Variants in ZMAT4 observed in about 807,000 individuals in gnomAD.
ZMAT4 encodes zinc finger matrin-type 4.
ZMAT4 carries 17 observed loss-of-function variants against 28.7 expected under a neutral mutation model. That is an observed-to-expected ratio of 0.59 (90% CI 0.41 to 0.89). The LOEUF (loss-of-function observed/expected upper bound fraction) is 0.89. Ranked by LOEUF, ZMAT4 falls within the 40% of genes least tolerant of loss-of-function variation. ZMAT4 has a pLI of 0.00. For synonymous variants in ZMAT4, 117 were observed against 109.2 expected (o/e 1.07, Z -0.44); for missense variants, 240 against 283.8 (o/e 0.85, Z 1.11).
At chr8:40,849,533 C>A (rs1199936732) in intron 1 of ZMAT4, among the ~76,000 whole-genome samples, 1 of 152,166 alleles carries the variant, frequency 6.6e-6, no homozygotes, top group Non-Finnish European at 1.5e-5. Context: ...TGCCACCTGT[C>A]CCCTGAAGAA....
intron 3 of ZMAT4, among the ~76,000 whole-genome samples, chr8:40,756,457 T>TATATACATATATATATATATATAC (rs1278110013): frequency 8.8e-6 from 1 of 113,316 alleles, no homozygotes; most frequent in African/African-American, 3.3e-5. Flanking sequence ...TATATATATA[T>TATATACATATATATATATATATAC]ACACACTTGT....
intron 3 of ZMAT4, among the ~76,000 whole-genome samples, chr8:40,721,029 C>A (rs1811064825): frequency 6.6e-6 from 1 of 150,992 alleles, no homozygotes; most frequent in South Asian, 2.1e-4. Context: ...GCACATTGTG[C>A]AGGTTAGTTA....
intron 1 of ZMAT4, among the ~76,000 whole-genome samples, chr8:40,864,140 G>C (rs1027517943): frequency 6.6e-6 from 1 of 152,202 alleles, no homozygotes; most frequent in Non-Finnish European, 1.5e-5. Flanking sequence ...TAAACCAGAG[G>C]TGGGTGTTCC....
chr8:40,727,123 T>C (rs986013127), intron 3 of ZMAT4, among the ~76,000 whole-genome samples: 1 of 152,206 alleles, frequency 6.6e-6, no homozygotes, highest in Non-Finnish European at 1.5e-5. Flanking sequence ...GGAGTCCTTT[T>C]AGTTAGTGGT....
At chr8:40,714,820 G>T (rs927629877) in intron 3 of ZMAT4, among the ~76,000 whole-genome samples, 2 of 152,138 alleles carry the variant, frequency 1.3e-5, no homozygotes, top group African/African-American at 4.8e-5. Flanking sequence ...GGAGGCCAAG[G>T]CTGGCGGATC....
At chr8:40,608,958 G>A (rs1005752495) in intron 5 of ZMAT4, among the ~76,000 whole-genome samples, 2 of 152,100 alleles carry the variant, frequency 1.3e-5, no homozygotes, top group Non-Finnish European at 2.9e-5. Context: ...TACCTTCAAA[G>A]GGTCTGTGGA....
intron 2 of ZMAT4, among the ~76,000 whole-genome samples, chr8:40,776,345 C>T (rs555707306): frequency 5.3e-5 from 8 of 152,310 alleles, no homozygotes; most frequent in South Asian, 4.1e-4. Context: ...AAATCATGTA[C>T]GGTGGGATGT....
chr8:40,785,000 T>C (rs1046538654), intron 2 of ZMAT4, among the ~76,000 whole-genome samples: 4 of 152,234 alleles, frequency 2.6e-5, no homozygotes, highest in African/African-American at 9.6e-5. Flanking sequence ...GCTTTCTGAC[T>C]TCAGAGACTA....
At position 40,789,083 on chromosome 8, in the gene ZMAT4, G is replaced by C. The variant is rs374172405; in HGVS notation, c.103-21353C>G. On this transcript the variant is annotated intron_variant, in intron 2 of 6. Coordinates refer to ENST00000297737, the MANE Select transcript of ZMAT4 (RefSeq NM_024645.3). ...AAGGGAAGGGAGGGAAGGGAGTGAG[G>C]GAGGGAGGAGAGAGGGAAGGCGAAG... is the stretch of plus-strand genomic sequence containing the variant. Among the ~76,000 whole-genome samples the C allele has an allele frequency of 1.0e-3, 157 of 150,994 alleles. 3 individuals are homozygous for C. The East Asian group carries it at 0.02, about 20-fold the overall frequency.
At chr8:40,887,854 C>T (rs1818518767) in intron 1 of ZMAT4, among the ~76,000 whole-genome samples, 1 of 152,174 alleles carries the variant, frequency 6.6e-6, no homozygotes, top group Admixed American at 6.5e-5. Flanking sequence ...AATGCTGGGG[C>T]ACCTCTGGCC....
At chr8:40,598,293 C>T (rs986221269) in intron 5 of ZMAT4, among the ~76,000 whole-genome samples, 6 of 152,116 alleles carry the variant, frequency 3.9e-5, no homozygotes, top group Admixed American at 6.6e-5. Flanking sequence ...GTTTACTGCA[C>T]CTATCAATCC....
chr8:40,712,443 G>A (rs1005415117), intron 3 of ZMAT4, among the ~76,000 whole-genome samples: 1 of 152,222 alleles, frequency 6.6e-6, no homozygotes, highest in Non-Finnish European at 1.5e-5. Flanking sequence ...CTGTTATCCT[G>A]TACCATGGGC....
chr8:40,732,830 C>A (rs1026514362), intron 3 of ZMAT4, among the ~76,000 whole-genome samples: 2 of 144,024 alleles, frequency 1.4e-5, no homozygotes, highest in Non-Finnish European at 3.0e-5. Flanking sequence ...CTGAGCAAGA[C>A]CTCCTTTTTT....
chr8:40,548,198 T>A (rs117032920), intron 6 of ZMAT4, among the ~76,000 whole-genome samples: 251 of 152,300 alleles, frequency 1.6e-3, no homozygotes, highest in East Asian at 6.4e-3. Flanking sequence ...AAGATCACAC[T>A]TTTATGCTGA....
chr8:40,544,109 A>T (rs1803124341), intron 6 of ZMAT4, among the ~76,000 whole-genome samples: 1 of 152,158 alleles, frequency 6.6e-6, no homozygotes, highest in Non-Finnish European at 1.5e-5. Context: ...TTTCAACCTC[A>T]CAACTCTGCC....
intron 3 of ZMAT4, among the ~76,000 whole-genome samples, chr8:40,720,968 TTTTGTTTG>T (rs147563284): frequency 4.0e-5 from 6 of 151,524 alleles, no homozygotes; most frequent in African/African-American, 7.3e-5. Context: ...TTTATTTGTG[TTTTGTTTG>T]TTTGTTTGTT....
rs148726031 is a variant in ZMAT4, at chr8:40,756,008, T to C, written c.192+11633A>G. Among the ~76,000 whole-genome samples the C allele has an allele frequency of 2.6e-5, 4 of 152,194 alleles. No individual in the cohort carries two copies. The East Asian group carries it at 7.8e-4, about 30-fold the overall frequency. On this transcript the variant is annotated intron_variant, in intron 3 of 6. Coordinates refer to ENST00000297737, the MANE Select transcript of ZMAT4 (RefSeq NM_024645.3). The stretch of plus-strand genomic sequence containing the variant: ...CAGCAGGCCTGTCCTAACTGGACTA[T>C]AGAAGTTGCAAATTACCCTGAAGAG...
intron 5 of ZMAT4, among the ~76,000 whole-genome samples, chr8:40,643,555 A>T (rs1013071576): frequency 6.6e-6 from 1 of 152,156 alleles, no homozygotes; most frequent in Admixed American, 6.5e-5. Context: ...AAACAAAGAT[A>T]CAAGGTCTCT....
intron 5 of ZMAT4, among the ~76,000 whole-genome samples, chr8:40,587,544 T>G (rs1234056532): frequency 6.6e-6 from 1 of 152,106 alleles, no homozygotes; most frequent in African/African-American, 2.4e-5. Flanking sequence ...ATATTTTATA[T>G]GAAATGGAGC....
Sources: allele counts gnomAD v4.1 joint callset (sites outside exome capture counted in the v4.1 genomes callset), GRCh38; gene constraint gnomAD v4.1.1; transcripts MANE v1.5; gene names NCBI Gene and HGNC (gene_info 2026-07-23, HGNC 2026-07-21).